The following NYAP2 variants were observed in gnomAD, a reference collection of about 807,000 sequenced individuals.
NYAP2 encodes the protein neuronal tyrosine-phosphorylated phosphoinositide-3-kinase adaptor 2, also known as neuronal tyrosine-phosphorylated phosphoinositide-3-kinase adapter 2.
Under a neutral mutation model 50.4 loss-of-function variants are expected in NYAP2, and 23 were observed. The observed-to-expected ratio is 0.46, with a 90% CI of 0.33 to 0.65. The LOEUF (loss-of-function observed/expected upper bound fraction) is 0.65, where lower values mean the gene tolerates loss of function less well. NYAP2 is among the 30% of genes least tolerant of loss of function. The pLI is 0.02. For missense variants in NYAP2, 885 were observed against 861.0 expected (o/e 1.03, Z -0.35); for synonymous variants, 394 against 365.2 (o/e 1.08, Z -0.90).
chr2:225,681,253 G>A, the NYAP2 span, among the ~76,000 whole-genome samples: 11,493 of 152,154 alleles, frequency 0.076, 497 homozygotes, highest in East Asian at 0.24. Context: ...TGAGAGGTAG[G>A]GGACAGAAAG....
intron 4 of NYAP2, 51 bp downstream of exon 4, chr2:225,513,723 T>A: frequency 7.1e-7 from 1 of 1,414,284 alleles, no homozygotes; most frequent in Non-Finnish European, 9.3e-7. Flanking sequence ...AGATAGTATG[T>A]TCAGGTCAGC....
At chr2:225,631,173 G>A (rs1693307609) in intron 6 of NYAP2, among the ~76,000 whole-genome samples, 1 of 152,186 alleles carries the variant, frequency 6.6e-6, no homozygotes, top group South Asian at 2.1e-4. Context: ...CACTTAGTAA[G>A]TTACATATAG....
chr2:225,497,103 T>C (rs866769116), intron 3 of NYAP2, among the ~76,000 whole-genome samples: 1 of 152,156 alleles, frequency 6.6e-6, no homozygotes, highest in South Asian at 2.1e-4. Context: ...AGTGCCTTCA[T>C]TGACACAGGG....
chr2:225,503,418 G>C (rs1324473355), intron 3 of NYAP2, among the ~76,000 whole-genome samples: 2 of 152,080 alleles, frequency 1.3e-5, no homozygotes, highest in Non-Finnish European at 1.5e-5. Flanking sequence ...AAGTACCGTA[G>C]ATAATAACAT....
rs571512329 is a variant in NYAP2, at chr2:225,641,674, G to A, written c.1829-9758G>A. On this transcript the variant is annotated intron_variant, in intron 6 of 6. Transcript: ENST00000636099. ...CTAAAAATACAAAAACTAGCTGGGC[G>A]TGGTGGCACGTGCCTGTAATCCCAG... Among the ~76,000 whole-genome samples the A allele has an allele frequency of 2.6e-3, 392 of 152,078 alleles. 3 individuals are homozygous for A. Among genetic ancestry groups the A allele is most frequent in the African/African-American group, 8.9e-3 (371 of 41,480 alleles).
intron 3 of NYAP2, among the ~76,000 whole-genome samples, chr2:225,497,682 T>A (rs1207230379): frequency 2.0e-5 from 3 of 152,186 alleles, no homozygotes; most frequent in Non-Finnish European, 4.4e-5. Context: ...AATGAATGAA[T>A]CTATTGGGAA....
the NYAP2 span, among the ~76,000 whole-genome samples, chr2:225,670,352 T>C: frequency 6.6e-6 from 1 of 152,072 alleles, no homozygotes; most frequent in Admixed American, 6.6e-5. Flanking sequence ...ATGCAATCTT[T>C]CCTTTGGAGA....
At chr2:225,629,545 G>C (rs1693273531) in intron 6 of NYAP2, among the ~76,000 whole-genome samples, 3 of 152,148 alleles carry the variant, frequency 2.0e-5, no homozygotes, top group Admixed American at 2.0e-4. Flanking sequence ...GGTACACAAG[G>C]CTGGGTAATT....
At chr2:225,472,680 T>C (rs1259008410) in intron 3 of NYAP2, among the ~76,000 whole-genome samples, 1 of 152,162 alleles carries the variant, frequency 6.6e-6, no homozygotes, top group Non-Finnish European at 1.5e-5. Flanking sequence ...CAAAGAGTAA[T>C]TTTTTTAATT....
intron 3 of NYAP2, among the ~76,000 whole-genome samples, chr2:225,500,400 A>G (rs1690584702): frequency 1.3e-5 from 2 of 152,226 alleles, no homozygotes; most frequent in South Asian, 2.1e-4. Flanking sequence ...ATTTTTCACA[A>G]TGATTCCGTA....
At chr2:225,405,199 A>G (rs1293903917) in intron 2 of NYAP2, among the ~76,000 whole-genome samples, 1 of 152,030 alleles carries the variant, frequency 6.6e-6, no homozygotes, top group Admixed American at 6.6e-5. Flanking sequence ...TAGAAAAGCC[A>G]GAGTTCCACC....
chr2:225,595,109 A>G (rs1692574017), intron 5 of NYAP2, among the ~76,000 whole-genome samples: 1 of 152,244 alleles, frequency 6.6e-6, no homozygotes, highest in Non-Finnish European at 1.5e-5. Context: ...TCTACTACTC[A>G]ACTTTCAGTT....
chr2:225,427,994 C>A (rs1695311168), intron 3 of NYAP2, among the ~76,000 whole-genome samples: 1 of 152,152 alleles, frequency 6.6e-6, no homozygotes, highest in African/African-American at 2.4e-5. Flanking sequence ...CTCTCTACTT[C>A]TCTCTCTGGT....
chr2:225,459,810 C>G (rs1346821799), intron 3 of NYAP2, among the ~76,000 whole-genome samples: 1 of 151,874 alleles, frequency 6.6e-6, no homozygotes, highest in African/African-American at 2.4e-5. Context: ...GTAGCTGGGA[C>G]TACAGGCACC....
In NYAP2 at chr2:225,488,167, C is replaced by G. The variant is rs16866622; in HGVS notation, c.222-25204C>G. Among the ~76,000 whole-genome samples, 1,007 of 152,298 alleles carry G rather than the reference C, an allele frequency of 6.6e-3. 15 individuals carry two copies. The highest frequency in any genetic ancestry group is 0.023 in the African/African-American group (951 of 41,564). On this transcript the variant is annotated intron_variant, in intron 3 of 6. Coordinates refer to ENST00000636099, the Ensembl canonical transcript of NYAP2. ...TTAGAAAAAGGAATGACAGAAAAAT[C>G]TTAATCATTCTCCCACAGAGCTTGA...
intron 4 of NYAP2, among the ~76,000 whole-genome samples, chr2:225,568,527 C>A (rs1178208641): frequency 2.6e-5 from 4 of 152,256 alleles, no homozygotes; most frequent in East Asian, 3.9e-4. Flanking sequence ...ATTCTGAATG[C>A]CGATTCTAAT....
intron 4 of NYAP2, among the ~76,000 whole-genome samples, chr2:225,531,222 G>C (rs946474034): frequency 2.0e-5 from 3 of 152,148 alleles, no homozygotes; most frequent in Admixed American, 2.0e-4. Context: ...AGCCAACTCA[G>C]ACTACCTAGT....
chr2:225,506,605 A>G (rs1690711499), intron 3 of NYAP2, among the ~76,000 whole-genome samples: 2 of 152,238 alleles, frequency 1.3e-5, no homozygotes. Context: ...TTCAGTAGGC[A>G]GCACAAGGTG....
intron 6 of NYAP2, among the ~76,000 whole-genome samples, chr2:225,649,234 C>T (rs748128656): frequency 5.3e-5 from 8 of 152,198 alleles, no homozygotes; most frequent in Non-Finnish European, 7.3e-5. Context: ...AACTCTTCTC[C>T]ACTAACCTGG....
Sources: gnomAD v4.1 joint callset for allele counts (sites outside exome capture counted in the v4.1 genomes callset) on GRCh38, gnomAD v4.1.1 for gene constraint, MANE v1.5 for transcripts, NCBI Gene and HGNC (gene_info 2026-07-23, HGNC 2026-07-21) for gene names.